Variants in PCDHGB7 observed in about 807,000 individuals in gnomAD.
PCDHGB7 encodes the protein protocadherin gamma subfamily B, 7.
PCDHGB7 carries 37 observed loss-of-function variants against 61.4 expected under a neutral mutation model. The observed-to-expected ratio is 0.60, with a 90% CI of 0.46 to 0.79. The LOEUF (loss-of-function observed/expected upper bound fraction) is 0.79. Among genes scored for constraint, PCDHGB7 ranks in the 30% least tolerant of loss-of-function variants. The pLI is 0.00. For missense variants in PCDHGB7, 1,166 were observed against 1,202.5 expected (o/e 0.97, Z 0.45); for synonymous variants, 464 against 503.5 (o/e 0.92, Z 1.05).
chr5:141,486,090 G>T lies in PCDHGB7; in HGVS notation c.2416-8717G>T, dbSNP rs190955361. 2.5e-6 allele frequency: 4 copies of T among 1,614,086 alleles called. No individual in the cohort carries two copies. In the East Asian group the frequency reaches 8.9e-5, roughly 36 times the overall value. On this transcript the variant is annotated intron_variant, in intron 1 of 3. Transcript: ENST00000398594. This position sits in a 1 kb window ranked among gnomAD's most constrained non-coding sequence, Gnocchi z 5.0. Reference sequence around the variant, plus strand: ...ACTACTGGAAAGCTTACTCTTTTGGGGCCCCTAGACTTTGAGAGTGAGAAT... The same window carrying T: ...ACTACTGGAAAGCTTACTCTTTTGGTGCCCCTAGACTTTGAGAGTGAGAAT...
chr5:141,498,919 CG>C (rs2099786825), intron 2 of PCDHGB7, among the ~76,000 whole-genome samples: 1 of 122,240 alleles, frequency 8.2e-6, no homozygotes, highest in African/African-American at 3.1e-5. Context: ...GGTGACAGAG[CG>C]AGACTCCATC....
chr5:141,450,916 C>T (rs1168320527), intron 1 of PCDHGB7, among the ~76,000 whole-genome samples: 1 of 151,580 alleles, frequency 6.6e-6, no homozygotes, highest in Admixed American at 6.6e-5. Flanking sequence ...CCGCTGCCTC[C>T]CAGATTCAAG....
At chr5:141,478,295 T>C (rs1210224121) in intron 1 of PCDHGB7, 5 of 1,614,004 alleles carry the variant, frequency 3.1e-6, no homozygotes, top group African/African-American at 2.7e-5. Flanking sequence ...TAGAGACCTA[T>C]ACCGAGCCCC....
chr5:141,486,146 G>T lies in PCDHGB7; in HGVS notation c.2416-8661G>T. Reference sequence around the variant, plus strand: ...TGAATTTGATGTGCGGGCTCGCGATGGGGGTTCTCCAGCCATGGAGCAACA... The same window carrying T: ...TGAATTTGATGTGCGGGCTCGCGATTGGGGTTCTCCAGCCATGGAGCAACA... On this transcript the variant is annotated intron_variant, in intron 1 of 3. Transcript: ENST00000398594. The surrounding 1 kb of genome is among the most constrained non-coding windows in gnomAD (Gnocchi z 5.0). 6.2e-7 allele frequency: 1 copy of T among 1,614,184 alleles called. No homozygotes were observed. The highest frequency in any genetic ancestry group is 8.5e-7 in the Non-Finnish European group (1 of 1,180,032).
rs187495695 is a variant in PCDHGB7, at chr5:141,486,508, T to G, written c.2416-8299T>G. The G allele has an allele frequency of 9.3e-6, 15 of 1,614,172 alleles. No homozygotes were observed. In the Admixed American group the frequency reaches 2.5e-4, roughly 27 times the overall value. The stretch of plus-strand genomic sequence containing the variant: ...CCCACAGAACTATTTTCCTCAATAT[T>G]TCAGATGTGAATGATAATCCACCCT... On this transcript the variant is annotated intron_variant, in intron 1 of 3. Coordinates refer to ENST00000398594, the MANE Select transcript of PCDHGB7 (RefSeq NM_018927.4). The surrounding 1 kb of genome is among the most constrained non-coding windows in gnomAD (Gnocchi z 5.0).
chr5:141,491,507 C>A lies in PCDHGB7; in HGVS notation c.2416-3300C>A, dbSNP rs755899622. 1.9e-6 allele frequency: 3 copies of A among 1,614,038 alleles called. No individual in the cohort carries two copies. The highest frequency in any genetic ancestry group is 1.6e-4 in the Middle Eastern group (1 of 6,062). Reference sequence around the variant, plus strand: ...AACCTGCAGGTGAGCTCGGACGGCACGCTCAAGTACATGGAGGTGACGCTG... The same window carrying A: ...AACCTGCAGGTGAGCTCGGACGGCAAGCTCAAGTACATGGAGGTGACGCTG... On this transcript the variant is annotated intron_variant, in intron 1 of 3. Transcript: ENST00000398594. The surrounding 1 kb of genome is among the most constrained non-coding windows in gnomAD (Gnocchi z 6.9).
intron 1 of PCDHGB7, chr5:141,422,634 T>C: frequency 1.9e-6 from 3 of 1,612,682 alleles, no homozygotes; most frequent in Non-Finnish European, 2.5e-6. Flanking sequence ...ACCCCAGGGG[T>C]GCCTCCATCT....
chr5:141,430,639 A>C, intron 1 of PCDHGB7: 6 of 900,712 alleles, frequency 6.7e-6, no homozygotes, highest in Non-Finnish European at 9.7e-6. Context: ...CATCCCTGGG[A>C]GTATGTGGAA....
At chr5:141,423,076 C>A in intron 1 of PCDHGB7, 1 of 1,614,128 alleles carries the variant, frequency 6.2e-7, no homozygotes, top group Non-Finnish European at 8.5e-7. Context: ...CGAGCCGGGA[C>A]TCTTCGCGGT....
At chr5:141,457,568 T>A (rs1397626206) in intron 1 of PCDHGB7, among the ~76,000 whole-genome samples, 1 of 152,190 alleles carries the variant, frequency 6.6e-6, no homozygotes, top group African/African-American at 2.4e-5. Context: ...TGGAGCAAAA[T>A]TTTTCTCTCC....
At chr5:141,478,524 C>T in intron 1 of PCDHGB7, 1 of 1,609,844 alleles carries the variant, frequency 6.2e-7, no homozygotes, top group Non-Finnish European at 8.5e-7. Flanking sequence ...GTGTTGGGTG[C>T]AGAGAGCGCC....
intron 1 of PCDHGB7, among the ~76,000 whole-genome samples, chr5:141,459,534 T>G (rs980917458): frequency 1.3e-5 from 2 of 151,990 alleles, no homozygotes; most frequent in African/African-American, 2.4e-5. Flanking sequence ...TGTAGGCATA[T>G]TTTTTTTATT....
Position 141,439,440 on chromosome 5 carries a change from A to T in PCDHGB7, c.2415+19166A>T, listed in dbSNP as rs147662506. 1.4e-3 allele frequency among the ~76,000 whole-genome samples: 212 copies of T among 152,330 alleles called. 1 individual carries two copies. The highest frequency in any genetic ancestry group is 4.8e-3 in the African/African-American group (198 of 41,576). On this transcript the variant is annotated intron_variant, in intron 1 of 3. Transcript: ENST00000398594. Reference sequence around the variant, plus strand: ...GGTTATAAATTCCCAGGAATATTTTATTGCGGGAGCAAGACTGCACTGCTG... The same window carrying T: ...GGTTATAAATTCCCAGGAATATTTTTTTGCGGGAGCAAGACTGCACTGCTG...
chr5:141,453,888 C>T (rs1273180395), intron 1 of PCDHGB7, among the ~76,000 whole-genome samples: 2 of 152,198 alleles, frequency 1.3e-5, no homozygotes, highest in East Asian at 1.9e-4. Flanking sequence ...TGTGGCCAAT[C>T]ACATGACTTC....
intron 3 of PCDHGB7, among the ~76,000 whole-genome samples, chr5:141,510,227 C>T (rs1010123412): frequency 1.3e-5 from 2 of 150,454 alleles, no homozygotes; most frequent in African/African-American, 2.5e-5. Context: ...GAGCCGGGAT[C>T]GCGCCACTGC....
chr5:141,477,433 C>T lies in PCDHGB7; in HGVS notation c.2416-17374C>T, dbSNP rs1389102640. On this transcript the variant is annotated intron_variant, in intron 1 of 3. Transcript: ENST00000398594. The surrounding 1 kb of genome is among the most constrained non-coding windows in gnomAD (Gnocchi z 4.9). ...ACGCCGGAACCCCTTCCCTCTCAGCCCTTACAATAGTGCGTGTTCAAGTGT... is the reference window on the plus strand; with the variant it reads ...ACGCCGGAACCCCTTCCCTCTCAGCTCTTACAATAGTGCGTGTTCAAGTGT... 6.2e-7 allele frequency: 1 copy of T among 1,614,048 alleles called. No individual in the cohort carries two copies. The highest frequency in any genetic ancestry group is 2.2e-5 in the East Asian group (1 of 44,892).
Position 141,476,735 on chromosome 5 carries a change from G to C in PCDHGB7, c.2416-18072G>C, listed in dbSNP as rs1267556668. The C allele has an allele frequency of 6.2e-7, 1 of 1,613,974 alleles. No individual in the cohort carries two copies. Among genetic ancestry groups the C allele is most frequent in the African/African-American group, 1.3e-5 (1 of 74,940 alleles). On this transcript the variant is annotated intron_variant, in intron 1 of 3. Coordinates refer to ENST00000398594, the MANE Select transcript of PCDHGB7 (RefSeq NM_018927.4). This position sits in a 1 kb window ranked among gnomAD's most constrained non-coding sequence, Gnocchi z 7.6. ...GGAGCGCGCCCTGGACCGAGAACGG[G>C]AGCCTAGTCTCCAGTTAGTGCTGAC...
chr5:141,423,435 G>A (rs2096740494), intron 1 of PCDHGB7: 1 of 1,613,892 alleles, frequency 6.2e-7, no homozygotes, highest in Admixed American at 1.7e-5. Context: ...TGGCAGGTAT[G>A]CCCACGTCAC....
chr5:141,474,551 C>G (rs1032524620), intron 1 of PCDHGB7, among the ~76,000 whole-genome samples: 35 of 152,312 alleles, frequency 2.3e-4, no homozygotes, highest in Non-Finnish European at 3.5e-4. Flanking sequence ...GCATTTAAAA[C>G]TGGGGGTTTT....
Sources: gnomAD v4.1 joint callset for allele counts (sites outside exome capture counted in the v4.1 genomes callset) on GRCh38, gnomAD v4.1.1 for gene constraint, Gnocchi (gnomAD v3.1) non-coding constraint, MANE v1.5 for transcripts, NCBI Gene and HGNC (gene_info 2026-07-23, HGNC 2026-07-21) for gene names.